ANKRD30B: variants seen among roughly 807,000 people sequenced by gnomAD.
ANKRD30B encodes the protein ankyrin repeat domain 30B, also known as ankyrin repeat domain-containing protein 30B.
Under a neutral mutation model 202.2 loss-of-function variants are expected in ANKRD30B, and 144 were observed. The ratio of observed to expected loss-of-function variants is 0.71; its 90% confidence interval spans 0.62 to 0.82. The LOEUF is 0.82. Among genes scored for constraint, ANKRD30B ranks in the 40% least tolerant of loss-of-function variants. The pLI is 0.00. For synonymous variants in ANKRD30B, 508 were observed against 561.3 expected, an observed-to-expected ratio of 0.91 and a Z score of 1.34; for missense variants, 1,487 against 1,669.1, an observed-to-expected ratio of 0.89 and a Z score of 1.90.
At chr18:14,940,050 A>G in the ANKRD30B span, among the ~76,000 whole-genome samples, 1 of 152,232 alleles carries the variant, frequency 6.6e-6, no homozygotes, top group Middle Eastern at 3.2e-3. Context: ...AGGCAAATCC[A>G]GTGCTTTTCA....
intron 22 of ANKRD30B, among the ~76,000 whole-genome samples, chr18:14,800,538 A>G (rs1218351751): frequency 6.6e-6 from 1 of 151,092 alleles, no homozygotes; most frequent in Non-Finnish European, 1.5e-5. Flanking sequence ...GTTAGCCAGG[A>G]TGATCTCGAC....
intron 20 of ANKRD30B, 119 bp downstream of exon 20, chr18:14,797,973 C>A: frequency 2.1e-6 from 2 of 965,304 alleles, no homozygotes; most frequent in South Asian, 1.7e-5. Context: ...AAATTTGATA[C>A]AAATAATGCC....
chr18:14,893,731 A>G, the ANKRD30B span, among the ~76,000 whole-genome samples: 1 of 151,986 alleles, frequency 6.6e-6, no homozygotes, highest in Non-Finnish European at 1.5e-5. Context: ...AGTTAACAAT[A>G]TAAGTTAATT....
At chr18:14,817,636 T>G (rs903444380) in intron 30 of ANKRD30B, among the ~76,000 whole-genome samples, 3 of 152,238 alleles carry the variant, frequency 2.0e-5, no homozygotes, top group African/African-American at 7.2e-5. Context: ...GGTTACATAT[T>G]CATTTCCTAT....
chr18:14,910,760 C>T, the ANKRD30B span, among the ~76,000 whole-genome samples: 1 of 152,088 alleles, frequency 6.6e-6, no homozygotes, highest in South Asian at 2.1e-4. Context: ...TATAAGTGTT[C>T]TCTTTTCCCT....
intron 28 of ANKRD30B, among the ~76,000 whole-genome samples, chr18:14,811,119 A>G (rs1189701924): frequency 1.3e-5 from 2 of 149,206 alleles, no homozygotes; most frequent in African/African-American, 5.0e-5. Flanking sequence ...CAAAAAGCAA[A>G]CAAACAACCA....
the ANKRD30B span, among the ~76,000 whole-genome samples, chr18:14,901,680 A>G: frequency 6.6e-6 from 1 of 152,142 alleles, no homozygotes; most frequent in African/African-American, 2.4e-5. Flanking sequence ...GAATTTGAAA[A>G]CTATTCGTGG....
At chr18:14,911,961 C>T in the ANKRD30B span, among the ~76,000 whole-genome samples, 2 of 152,140 alleles carry the variant, frequency 1.3e-5, no homozygotes, top group Admixed American at 6.6e-5. Context: ...GAATTATGTA[C>T]ATTAATTTTG....
chr18:14,787,255 C>A (rs368406623), intron 15 of ANKRD30B, among the ~76,000 whole-genome samples, 155 bp downstream of exon 15: 2 of 151,996 alleles, frequency 1.3e-5, no homozygotes, highest in African/African-American at 4.8e-5. Flanking sequence ...AATATATGTG[C>A]TAAGTAGATT....
At chr18:14,835,425 T>A (rs1379605174) in intron 34 of ANKRD30B, among the ~76,000 whole-genome samples, 1 of 151,558 alleles carries the variant, frequency 6.6e-6, no homozygotes, top group African/African-American at 2.4e-5. Flanking sequence ...TAAAAGTATC[T>A]CTTGCAATGG....
At chr18:14,797,596 A>T in intron 18 of ANKRD30B, 65 bp from the exon 19 acceptor site, 1 of 1,489,484 alleles carries the variant, frequency 6.7e-7, no homozygotes, top group Non-Finnish European at 9.4e-7. Context: ...TTCACACTGT[A>T]TGAACGTTTG....
Position 14,854,428 on chromosome 18 carries a change from A to C in ANKRD30B, c.*270A>C, listed in dbSNP as rs1416172065. Among the ~76,000 whole-genome samples, 3 of 152,192 alleles carry C rather than the reference A, an allele frequency of 2.0e-5. No homozygotes were observed. Among genetic ancestry groups the C allele is most frequent in the Non-Finnish European group, 2.9e-5 (2 of 68,046 alleles). ...GTGGGATGGGGGTAGAATCCCATGC[A>C]TGAGAAGGGGACAGGTCCTTTCTTC... On this transcript the variant is annotated 3_prime_UTR_variant, in exon 44 of 44. Transcript: ENST00000690538.
the ANKRD30B span, among the ~76,000 whole-genome samples, chr18:14,881,630 T>C: frequency 2.6e-5 from 4 of 152,160 alleles, no homozygotes; most frequent in Non-Finnish European, 5.9e-5. Context: ...TCTTTCTCTG[T>C]CTTGTGGAAT....
chr18:14,786,881 G>A (rs1174024149), intron 14 of ANKRD30B, among the ~76,000 whole-genome samples, 158 bp from the exon 15 acceptor site: 8 of 152,096 alleles, frequency 5.3e-5, no homozygotes, highest in African/African-American at 1.9e-4. Flanking sequence ...AATTCTGATG[G>A]AGTGACTATA....
chr18:14,909,265 C>T, the ANKRD30B span, among the ~76,000 whole-genome samples: 8 of 152,146 alleles, frequency 5.3e-5, no homozygotes, highest in Admixed American at 4.6e-4. Flanking sequence ...CCTGTGCTCC[C>T]CAGTGTCCTA....
At chr18:14,917,398 C>T in the ANKRD30B span, among the ~76,000 whole-genome samples, 4 of 152,200 alleles carry the variant, frequency 2.6e-5, no homozygotes, top group East Asian at 7.7e-4. Flanking sequence ...CTTCCTCTTC[C>T]ATCTTTCCCT....
intron 34 of ANKRD30B, among the ~76,000 whole-genome samples, chr18:14,835,724 C>G (rs1971141043): frequency 6.6e-6 from 1 of 151,658 alleles, no homozygotes; most frequent in African/African-American, 2.4e-5. Context: ...GCAATTTGAG[C>G]TAGTATTATA....
At chr18:14,940,140 G>A in the ANKRD30B span, among the ~76,000 whole-genome samples, 1 of 152,132 alleles carries the variant, frequency 6.6e-6, no homozygotes, top group Non-Finnish European at 1.5e-5. Context: ...CCCAGGGTGA[G>A]GTCCATGGAT....
intron 40 of ANKRD30B, among the ~76,000 whole-genome samples, chr18:14,849,521 G>A (rs1046609275): frequency 1.4e-4 from 21 of 151,454 alleles, no homozygotes; most frequent in African/African-American, 3.4e-4. Flanking sequence ...AACATCTCTC[G>A]CTCTCCTACA....
Sources: allele counts gnomAD v4.1 joint callset (sites outside exome capture counted in the v4.1 genomes callset), GRCh38; gene constraint gnomAD v4.1.1; transcripts MANE v1.5; gene names NCBI Gene and HGNC (gene_info 2026-07-23, HGNC 2026-07-21).